LCN12: variants seen among roughly 807,000 people sequenced by gnomAD.
LCN12 encodes the protein lipocalin 12.
A neutral mutation model predicts 23.7 loss-of-function variants in LCN12; 15 were observed. That is an observed-to-expected ratio of 0.63 (90% CI 0.42 to 0.97). The LOEUF is 0.97. Ranked by LOEUF, LCN12 falls within the 50% of genes least tolerant of loss-of-function variation. The pLI is 0.00. For missense variants in LCN12, 219 were observed against 249.6 expected (o/e 0.88, Z 0.83); for synonymous variants, 116 against 111.5 (o/e 1.04, Z -0.25).
At position 136,955,438 on chromosome 9, in the gene LCN12, C is replaced by G; in HGVS notation, c.*39C>G. The G allele has an allele frequency of 6.3e-7, 1 of 1,594,750 alleles. No individual in the cohort carries two copies. Among genetic ancestry groups the G allele is most frequent in the Non-Finnish European group, 8.6e-7 (1 of 1,163,398 alleles). ...TCCTGTCCGGCCCAGCCCTGCCTCA[C>G]AGCTGTGCGAGCTCTGCCCTCCTCA... On this transcript the variant is annotated 3_prime_UTR_variant, in exon 6 of 6. Transcript: ENST00000371633.
upstream of LCN12, among the ~76,000 whole-genome samples, chr9:136,950,268 G>A (rs182927970): frequency 3.3e-5 from 5 of 152,340 alleles, no homozygotes; most frequent in East Asian, 9.6e-4. Context: ...GACGTGGGGG[G>A]CACAGAGGTT....
At chr9:136,954,278 A>G in intron 5 of LCN12, 23 bp downstream of exon 5, 7 of 1,555,358 alleles carry the variant, frequency 4.5e-6, no homozygotes, top group Non-Finnish European at 6.1e-6. Context: ...ACCTGCAGGC[A>G]TGCTGGGCAG....
At chr9:136,953,116 C>T (rs995035628) in intron 2 of LCN12, 88 bp downstream of exon 2, 394 of 1,549,132 alleles carry the variant, frequency 2.5e-4, no homozygotes, top group Non-Finnish European at 3.3e-4. Flanking sequence ...CGCCATGGGC[C>T]CTGTCCCAGC....
chr9:136,954,298 G>A (rs1410163489), intron 5 of LCN12, 43 bp downstream of exon 5: 13 of 1,547,030 alleles, frequency 8.4e-6, no homozygotes, highest in Non-Finnish European at 1.1e-5. Context: ...GTAGGCACGG[G>A]GCCCGCAGGA....
upstream of LCN12, among the ~76,000 whole-genome samples, chr9:136,950,263 G>A (rs1851121147): frequency 6.6e-6 from 1 of 152,184 alleles, no homozygotes; most frequent in Non-Finnish European, 1.5e-5. Flanking sequence ...CAGGGGACGT[G>A]GGGGGCACAG....
Position 136,953,957 on chromosome 9 carries a change from C to T in LCN12, c.441C>T (p.Ser147=). ...GCAGGCTGGCCGTCCTCAGGATCAG[C>T]CTGCTGGGTGAGCCTCCCACCCCGT... ...HTSRLAVLRI[S]LLGRSWLLPP... is the part of the protein sequence containing the mutation. Residue 147 remains serine (S), a synonymous_variant, in exon 4 of 6, where the codon AGC becomes AGT. Transcript: ENST00000371633. 6.2e-7 allele frequency: 1 copy of T among 1,609,194 alleles called. No homozygotes were observed. The highest frequency in any genetic ancestry group is 1.8e-4 in the Middle Eastern group (1 of 5,702).
chr9:136,954,188 C>T lies in LCN12; in HGVS notation c.483C>T (p.Asp161=), dbSNP rs1349616957. 2 of 1,573,904 alleles carry T rather than the reference C, an allele frequency of 1.3e-6. No homozygotes were observed. The highest frequency in any genetic ancestry group is 1.8e-5 in the Admixed American group (1 of 54,912). The change falls in exon 5 of 6, where the codon GAC becomes GAT. Residue 161 remains aspartate (D), a synonymous_variant. Transcript: ENST00000371633. ...GGTTGCTGCCTCCCGGGACGCTGGA[C>T]CAGTTCATCTGCCTGGGCAGAGCTC... ...RSWLLPPGTL[D]QFICLGRAQG...
At position 136,952,375 on chromosome 9, in the gene LCN12, C is replaced by T. The variant is rs1230463617; in HGVS notation, c.48C>T (p.Val16=). 1 of 1,612,216 alleles carries T rather than the reference C, an allele frequency of 6.2e-7. No homozygotes were observed. Among genetic ancestry groups the T allele is most frequent in the Non-Finnish European group, 8.5e-7 (1 of 1,179,524 alleles). ...GLWLWLSLLK[V]LQAQTPTPLP... ...GGCTGTGGCTCTCCTTGCTGAAAGTCCTGCAGGCCCAGACCCCAACCCCCC... is the reference window on the plus strand; with the variant it reads ...GGCTGTGGCTCTCCTTGCTGAAAGTTCTGCAGGCCCAGACCCCAACCCCCC... The change falls in exon 1 of 6, where the codon GTC becomes GTT. Residue 16 remains valine, a synonymous_variant. Coordinates refer to ENST00000371633, the MANE Select transcript of LCN12 (RefSeq NM_178536.4).
chr9:136,953,132 C>A, intron 2 of LCN12, 104 bp downstream of exon 2: 1 of 1,478,200 alleles, frequency 6.8e-7, no homozygotes. Flanking sequence ...CCAGCACAGG[C>A]AGCTTCATGA....
At chr9:136,956,472 A>G (rs1435939573), downstream of LCN12, among the ~76,000 whole-genome samples, 1 of 152,178 alleles carries the variant, frequency 6.6e-6, no homozygotes, top group Non-Finnish European at 1.5e-5. Flanking sequence ...GACGGCCCCA[A>G]CGAGATGGAT....
Position 136,953,020 on chromosome 9 carries a change from G to GA in LCN12, c.244dup (p.Met82AsnfsTer8). On this transcript the variant is annotated frameshift_variant, in exon 2 of 6. Transcript: ENST00000371633. LOFTEE classifies it high-confidence loss of function. ...ATGGCCGCTTTGAGGTGTGGAATGC[G>GA]ATGACTCGGTGAGTGGCTGTCCCTG... The GA allele has an allele frequency of 6.2e-7, 1 of 1,613,944 alleles. No homozygotes were observed. The highest frequency in any genetic ancestry group is 8.5e-7 in the Non-Finnish European group (1 of 1,179,956).
At chr9:136,954,533 T>G in intron 5 of LCN12, 1 of 377,750 alleles carries the variant, frequency 2.6e-6, no homozygotes, top group Non-Finnish European at 5.0e-6. Flanking sequence ...CCGGGCCACC[T>G]CCCCCTGCCC....
At chr9:136,956,480 G>A (rs886949353), downstream of LCN12, among the ~76,000 whole-genome samples, 1 of 152,212 alleles carries the variant, frequency 6.6e-6, no homozygotes, top group African/African-American at 2.4e-5. Context: ...CAACGAGATG[G>A]ATCCCCATGA....
intron 5 of LCN12, chr9:136,955,115 C>T (rs1588477232): frequency 7.1e-7 from 1 of 1,415,172 alleles, no homozygotes; most frequent in East Asian, 2.6e-5. Context: ...AGTCTGGGGG[C>T]CCATGGGGAC....
At chr9:136,952,561 G>GC in intron 1 of LCN12, 120 bp downstream of exon 1, 1 of 747,592 alleles carries the variant, frequency 1.3e-6, no homozygotes, top group Non-Finnish European at 2.2e-6. Flanking sequence ...GCTTCCAGGA[G>GC]CCCCCAGGCG....
rs756568280 is a variant in LCN12, at chr9:136,955,321, G to A, written c.551-50G>A. 7 of 1,594,672 alleles carry A rather than the reference G, an allele frequency of 4.4e-6. No individual in the cohort carries two copies. The Admixed American group carries it at 1.2e-4, about 27-fold the overall frequency. On this transcript the variant is annotated intron_variant, in intron 5 of 5. Coordinates refer to ENST00000371633, the MANE Select transcript of LCN12 (RefSeq NM_178536.4). ...CCTCCCTTGCTTCCTCCTGGGCTCT[G>A]TCCCCTGCTCCCCCTTTGTCCTCCA...
upstream of LCN12, chr9:136,952,220 C>A: frequency 1.3e-6 from 1 of 796,606 alleles, no homozygotes; most frequent in South Asian, 1.5e-5. Context: ...GGGCACACCC[C>A]CTTGGGAGGG....
At chr9:136,951,840 A>G (rs13301994), upstream of LCN12, among the ~76,000 whole-genome samples, 32,666 of 151,982 alleles carry the variant, frequency 0.21, 3,728 homozygotes, top group Non-Finnish European at 0.24. Flanking sequence ...GGGTGGGGGT[A>G]GGGGGGCGGC....
chr9:136,953,430 C>A, intron 2 of LCN12: 1 of 464,626 alleles, frequency 2.2e-6, no homozygotes, highest in Middle Eastern at 6.1e-4. Context: ...CGGTGGCGCA[C>A]ACCTGTAATC....
Sources: gnomAD v4.1 joint callset for allele counts (sites outside exome capture counted in the v4.1 genomes callset) on GRCh38, gnomAD v4.1.1 for gene constraint, MANE v1.5 for transcripts, NCBI Gene and HGNC (gene_info 2026-07-23, HGNC 2026-07-21) for gene names.